TG: variants seen among roughly 807,000 people sequenced by gnomAD.
TG encodes thyroid hormones.
In TG, 270 loss-of-function variants were observed where a neutral mutation model predicts 324.7. That is an observed-to-expected ratio of 0.83 (90% CI 0.75 to 0.92). TG has a LOEUF of 0.92. Ranked by LOEUF, TG falls within the 40% of genes least tolerant of loss-of-function variation. The pLI, the probability that TG is intolerant of heterozygous loss-of-function variation, is 0.00. For synonymous variants in TG, 1,401 were observed against 1,327.0 expected (o/e 1.06, Z -1.21); for missense variants, 3,591 against 3,456.4 (o/e 1.04, Z -0.98).
chr8:132,967,653 G>A (rs1468150704), intron 30 of TG, 141 bp from the exon 31 acceptor site: 1 of 934,164 alleles, frequency 1.1e-6, no homozygotes, highest in East Asian at 2.7e-5. Flanking sequence ...TTCCAGACTG[G>A]ATGATCATGA....
rs115058515 is a variant in TG at position 132,962,788 on chromosome 8, G to A, written c.5468-206G>A. On this transcript the variant is annotated intron_variant, in intron 28 of 47. Coordinates refer to ENST00000220616, the MANE Select transcript of TG (RefSeq NM_003235.5). Reference sequence around the variant, plus strand: ...GTATGTTAATAATTTCAATATCACAGATAATGATGTTCTATCACTGAGAGG... The same window carrying A: ...GTATGTTAATAATTTCAATATCACAAATAATGATGTTCTATCACTGAGAGG... Among the ~76,000 whole-genome samples, 553 of 152,270 alleles carry A rather than the reference G, an allele frequency of 3.6e-3. 5 individuals carry two copies. Among genetic ancestry groups the A allele is most frequent in the African/African-American group, 0.012 (519 of 41,542 alleles).
Position 132,948,308 on chromosome 8 carries a change from TGAGAGC to T in TG, c.5234-456_5234-451del, listed in dbSNP as rs938548842. Among the ~76,000 whole-genome samples the T allele has an allele frequency of 8.4e-4, 126 of 149,526 alleles. No homozygotes were observed. The South Asian group carries it at 0.012, about 14-fold the overall frequency. On this transcript the variant is annotated intron_variant, in intron 26 of 47. Transcript: ENST00000220616. ...GAGCGAGAGTGAGCGAGAGCGAGAG[TGAGAGC>T]GAGAGCGAGAGAGAGAGAAAGAGAG...
intron 41 of TG, among the ~76,000 whole-genome samples, chr8:133,088,925 A>G (rs899201250): frequency 2.0e-5 from 3 of 152,244 alleles, no homozygotes; most frequent in African/African-American, 7.2e-5. Context: ...AGAGAATACA[A>G]ATATAAACTT....
chr8:133,044,968 A>G (rs558289541), intron 41 of TG: 4 of 1,613,842 alleles, frequency 2.5e-6, no homozygotes, highest in South Asian at 2.2e-5. Context: ...ATCACTCCAT[A>G]TTGTATGTCT....
intron 43 of TG, among the ~76,000 whole-genome samples, chr8:133,111,817 C>T (rs1039919202): frequency 7.2e-5 from 11 of 152,234 alleles, no homozygotes; most frequent in African/African-American, 2.7e-4. Flanking sequence ...TTCATATTTG[C>T]TCCAGACTTT....
chr8:132,893,312 A>C (rs551009774), intron 10 of TG, among the ~76,000 whole-genome samples: 60 of 92,438 alleles, frequency 6.5e-4, no homozygotes, highest in African/African-American at 2.4e-3. Context: ...GGTGTATGTG[A>C]TCTGTATGTG....
intron 37 of TG, among the ~76,000 whole-genome samples, chr8:133,017,109 TG>T (rs993511852): frequency 6.6e-6 from 1 of 152,136 alleles, no homozygotes; most frequent in Non-Finnish European, 1.5e-5. Context: ...TTGAGAAAGG[TG>T]TGGCTTTGAA....
At chr8:133,024,306 TTTTCTTTCTTTC>T (rs199604332) in intron 40 of TG, among the ~76,000 whole-genome samples, 10,541 of 87,846 alleles carry the variant, frequency 0.12, 1,026 homozygotes, top group East Asian at 0.16. Context: ...CCACAGGCCA[TTTTCTTTCTTTC>T]TTTCTTTCTT....
chr8:132,975,743 G>A (rs1830101116), intron 34 of TG, among the ~76,000 whole-genome samples: 1 of 152,166 alleles, frequency 6.6e-6, no homozygotes, highest in Non-Finnish European at 1.5e-5. Context: ...GGCTCAGAGA[G>A]GTTGTCACTT....
At chr8:133,055,357 GCACGCGCGCA>G (rs1485136293) in intron 41 of TG, among the ~76,000 whole-genome samples, 1 of 59,896 alleles carries the variant, frequency 1.7e-5, no homozygotes, top group African/African-American at 8.1e-5. Flanking sequence ...ACACACACAC[GCACGCGCGCA>G]CACACACACA....
chr8:133,122,909 G>A (rs1257033096), intron 45 of TG, among the ~76,000 whole-genome samples: 2 of 152,132 alleles, frequency 1.3e-5, no homozygotes, highest in African/African-American at 4.8e-5. Flanking sequence ...TCTGTTTTAG[G>A]AAGTGGGATT....
At chr8:133,115,884 C>A (rs775788765) in intron 44 of TG, among the ~76,000 whole-genome samples, 7 of 152,198 alleles carry the variant, frequency 4.6e-5, no homozygotes, top group Non-Finnish European at 8.8e-5. Context: ...AAAGGCAGAG[C>A]AAATATATAA....
intron 44 of TG, among the ~76,000 whole-genome samples, chr8:133,115,299 C>T (rs915910591): frequency 6.6e-6 from 1 of 152,166 alleles, no homozygotes; most frequent in African/African-American, 2.4e-5. Context: ...GACTCAGGAC[C>T]TGGCCCCATC....
chr8:133,027,057 G>T (rs1430753325), intron 40 of TG, among the ~76,000 whole-genome samples: 1 of 152,178 alleles, frequency 6.6e-6, no homozygotes, highest in African/African-American at 2.4e-5. Context: ...GCTGTACCTG[G>T]TGGAGCTGGG....
At chr8:133,039,906 C>T (rs1291875178) in intron 41 of TG, 61 of 1,491,786 alleles carry the variant, frequency 4.1e-5, no homozygotes, top group Non-Finnish European at 5.2e-5. Context: ...TTCATGTGCT[C>T]GGCACACACA....
At chr8:132,953,639 G>T (rs1168646645) in intron 27 of TG, among the ~76,000 whole-genome samples, 1 of 152,102 alleles carries the variant, frequency 6.6e-6, no homozygotes, top group East Asian at 1.9e-4. Flanking sequence ...ACACCTGGAG[G>T]CTATTTTTAT....
intron 41 of TG, among the ~76,000 whole-genome samples, chr8:133,056,292 C>A (rs1175362305): frequency 6.6e-6 from 1 of 152,192 alleles, no homozygotes; most frequent in African/African-American, 2.4e-5. Flanking sequence ...TGATCAAGTT[C>A]TGCCTAAGAC....
chr8:133,018,102 G>A (rs988265525), intron 38 of TG, 105 bp downstream of exon 38: 6 of 1,082,198 alleles, frequency 5.5e-6, no homozygotes, highest in Middle Eastern at 2.7e-4. Flanking sequence ...TTTGGATAAA[G>A]CAATGTATGG....
chr8:132,994,632 C>G, intron 35 of TG: 3 of 1,256,612 alleles, frequency 2.4e-6, no homozygotes, highest in Non-Finnish European at 3.1e-6. Flanking sequence ...CATTTATTCT[C>G]CCTTGTTGAG....
Sources: allele counts gnomAD v4.1 joint callset (sites outside exome capture counted in the v4.1 genomes callset), GRCh38; gene constraint gnomAD v4.1.1; transcripts MANE v1.5; gene names NCBI Gene and HGNC (gene_info 2026-07-23, HGNC 2026-07-21).